The following SAMD5 variants were observed in gnomAD, a reference collection of about 807,000 sequenced individuals.
The protein encoded by SAMD5 is sterile alpha motif domain containing 5.
A neutral mutation model predicts 11.3 loss-of-function variants in SAMD5; 13 were observed. The ratio of observed to expected loss-of-function variants is 1.15; its 90% confidence interval spans 0.75 to 1.83. SAMD5 has a LOEUF of 1.83. Ranked by LOEUF, SAMD5 falls within the 40% of genes most tolerant of loss-of-function variation. SAMD5 has a pLI of 0.00. For missense variants in SAMD5, 255 were observed against 239.1 expected (o/e 1.07, Z -0.44); for synonymous variants, 129 against 111.3 (o/e 1.16, Z -1.00).
At chr6:147,763,849 T>TG in the SAMD5 span, among the ~76,000 whole-genome samples, 1 of 152,266 alleles carries the variant, frequency 6.6e-6, no homozygotes, top group African/African-American at 2.4e-5. Context: ...CCCAAAGTGC[T>TG]GGGATTACAG....
At chr6:147,704,724 A>G (rs776682184) in intron 1 of SAMD5, among the ~76,000 whole-genome samples, 1 of 152,216 alleles carries the variant, frequency 6.6e-6, no homozygotes, top group Non-Finnish European at 1.5e-5. Context: ...TTCAAAGGGT[A>G]GCTAACAAAG....
chr6:147,719,224 G>T (rs1791510975), intron 1 of SAMD5, among the ~76,000 whole-genome samples: 1 of 152,232 alleles, frequency 6.6e-6, no homozygotes, highest in African/African-American at 2.4e-5. Flanking sequence ...CCAGAGCAAG[G>T]AAACAGGTAC....
the SAMD5 span, among the ~76,000 whole-genome samples, chr6:147,788,250 G>A: frequency 6.6e-6 from 1 of 152,252 alleles, no homozygotes; most frequent in Non-Finnish European, 1.5e-5. Context: ...CATATTGCAC[G>A]TATAATTAAG....
chr6:147,630,459 C>T (rs1457424273), intron 1 of SAMD5, among the ~76,000 whole-genome samples: 3 of 152,148 alleles, frequency 2.0e-5, no homozygotes, highest in South Asian at 2.1e-4. Flanking sequence ...TGAAAATGGC[C>T]GGTTCCTGCC....
the SAMD5 span, among the ~76,000 whole-genome samples, chr6:147,813,988 A>G: frequency 2.6e-5 from 4 of 152,206 alleles, no homozygotes; most frequent in Admixed American, 2.0e-4. Context: ...TGTTTACTCT[A>G]TTCTTTGCTC....
At chr6:147,867,793 C>T in the SAMD5 span, among the ~76,000 whole-genome samples, 6 of 152,072 alleles carry the variant, frequency 3.9e-5, no homozygotes, top group Non-Finnish European at 8.8e-5. Context: ...AAGATTCAGC[C>T]CCAGGAGGTC....
At chr6:147,909,508 G>GA in the SAMD5 span, among the ~76,000 whole-genome samples, 1 of 152,048 alleles carries the variant, frequency 6.6e-6, no homozygotes, top group African/African-American at 2.4e-5. Flanking sequence ...TATTAAATGG[G>GA]AAAAGAGCTC....
the SAMD5 span, among the ~76,000 whole-genome samples, chr6:147,835,941 G>A: frequency 6.6e-6 from 1 of 152,150 alleles, no homozygotes; most frequent in Non-Finnish European, 1.5e-5. Context: ...TAACAGCAAC[G>A]TCTCGCTATG....
chr6:147,766,459 A>G, the SAMD5 span, among the ~76,000 whole-genome samples: 1 of 152,222 alleles, frequency 6.6e-6, no homozygotes, highest in Non-Finnish European at 1.5e-5. Context: ...TGAGCCATTC[A>G]TACCCAAAGA....
the SAMD5 span, among the ~76,000 whole-genome samples, chr6:147,931,870 G>T: frequency 2.0e-5 from 3 of 152,304 alleles, no homozygotes; most frequent in East Asian, 5.8e-4. Context: ...CAATGCTGTA[G>T]TGATATATTG....
chr6:147,726,954 T>C (rs1791637851), intron 1 of SAMD5, among the ~76,000 whole-genome samples: 1 of 152,214 alleles, frequency 6.6e-6, no homozygotes, highest in Admixed American at 6.5e-5. Context: ...TTGGCCTCCA[T>C]AATTCCAGCC....
chr6:147,678,030 G>C (rs1281486923), intron 1 of SAMD5, among the ~76,000 whole-genome samples: 1 of 152,154 alleles, frequency 6.6e-6, no homozygotes, highest in African/African-American at 2.4e-5. Flanking sequence ...ACTCCACTGA[G>C]GGGTGGAGGT....
At chr6:147,607,402 G>A (rs1446125233) in intron 1 of SAMD5, among the ~76,000 whole-genome samples, 1 of 152,090 alleles carries the variant, frequency 6.6e-6, no homozygotes, top group Non-Finnish European at 1.5e-5. Flanking sequence ...CAAAACTGGA[G>A]GAATCACAAC....
intron 1 of SAMD5, among the ~76,000 whole-genome samples, chr6:147,580,897 G>T (rs1789288461): frequency 1.3e-5 from 2 of 152,068 alleles, no homozygotes; most frequent in Admixed American, 1.3e-4. Context: ...CCTGACCTTG[G>T]AGTCATAGCA....
At chr6:147,846,568 C>T in the SAMD5 span, among the ~76,000 whole-genome samples, 3 of 152,124 alleles carry the variant, frequency 2.0e-5, no homozygotes, top group African/African-American at 7.2e-5. Context: ...GCAGTGGCTC[C>T]CAGCACTTGG....
the SAMD5 span, among the ~76,000 whole-genome samples, chr6:147,930,230 C>T: frequency 6.6e-6 from 1 of 152,124 alleles, no homozygotes; most frequent in Non-Finnish European, 1.5e-5. Flanking sequence ...ATGGCCTTTC[C>T]TATCTGTATT....
the SAMD5 span, among the ~76,000 whole-genome samples, chr6:147,808,046 A>G: frequency 5.3e-5 from 8 of 152,326 alleles, no homozygotes; most frequent in African/African-American, 1.2e-4. Context: ...AAGACACACT[A>G]CTTTTGAGAG....
intron 1 of SAMD5, among the ~76,000 whole-genome samples, chr6:147,537,062 A>G (rs1182482551): frequency 6.6e-6 from 1 of 152,088 alleles, no homozygotes; most frequent in Non-Finnish European, 1.5e-5. Flanking sequence ...GAGGAAATTT[A>G]CCTCTGTGGC....
At chr6:147,919,957 C>G in the SAMD5 span, among the ~76,000 whole-genome samples, 1 of 152,180 alleles carries the variant, frequency 6.6e-6, no homozygotes, top group African/African-American at 2.4e-5. Flanking sequence ...ATGGTTTTTA[C>G]TAAATCCCTT....
Sources: gnomAD v4.1 joint callset for allele counts (sites outside exome capture counted in the v4.1 genomes callset) on GRCh38, gnomAD v4.1.1 for gene constraint, MANE v1.5 for transcripts, NCBI Gene and HGNC (gene_info 2026-07-23, HGNC 2026-07-21) for gene names.